NR3C2: variants seen among roughly 807,000 people sequenced by gnomAD.
The protein encoded by NR3C2 is nuclear receptor subfamily 3 group C member 2.
Under a neutral mutation model 86.4 loss-of-function variants are expected in NR3C2, and 15 were observed. That is an observed-to-expected ratio of 0.17 (90% confidence interval 0.12 to 0.27). The LOEUF (loss-of-function observed/expected upper bound fraction) is 0.27, where lower values mean the gene tolerates loss of function less well. Among genes scored for constraint, NR3C2 ranks in the 10% least tolerant of loss-of-function variants. NR3C2 has a pLI of 1.00. For synonymous variants in NR3C2, 458 were observed against 450.5 expected, an observed-to-expected ratio of 1.02 and a Z score of -0.21; for missense variants, 960 against 1,195.6, an observed-to-expected ratio of 0.80 and a Z score of 2.91.
At chr4:148,374,231 C>T (rs1287510481) in intron 2 of NR3C2, among the ~76,000 whole-genome samples, 4 of 152,202 alleles carry the variant, frequency 2.6e-5, no homozygotes, top group Non-Finnish European at 4.4e-5. Flanking sequence ...ATGCAACACT[C>T]TACACCTACA....
chr4:148,293,466 C>G (rs1741893162), intron 2 of NR3C2, among the ~76,000 whole-genome samples: 1 of 152,144 alleles, frequency 6.6e-6, no homozygotes, highest in South Asian at 2.1e-4. Flanking sequence ...TAGATGGGGC[C>G]TACAAATGCT....
rs763844203 is a variant in NR3C2 at position 148,141,446 on chromosome 4, T to TCACACA, written c.2510+11017_2510+11022dup. Among the ~76,000 whole-genome samples, 436 of 149,406 alleles carry TCACACA rather than the reference T, an allele frequency of 2.9e-3. 3 individuals are homozygous for TCACACA. Among genetic ancestry groups the TCACACA allele is most frequent in the Non-Finnish European group, 4.4e-3 (298 of 67,476 alleles). ...CTCTCTCTCTCTCTCTCCCTCTCTC[T>TCACACA]CACACACACACACACACACACGTAT... On this transcript the variant is annotated intron_variant, in intron 6 of 8. Coordinates refer to ENST00000358102, the MANE Select transcript of NR3C2 (RefSeq NM_000901.5).
intron 2 of NR3C2, among the ~76,000 whole-genome samples, chr4:148,325,431 G>C (rs1010286903): frequency 6.6e-6 from 1 of 152,116 alleles, no homozygotes; most frequent in African/African-American, 2.4e-5. Flanking sequence ...CTAGTACTTT[G>C]TCCCTGTTGT....
chr4:148,104,671 G>A (rs533455777), intron 8 of NR3C2, among the ~76,000 whole-genome samples: 1 of 152,286 alleles, frequency 6.6e-6, no homozygotes, highest in South Asian at 2.1e-4. Context: ...CTGAGCAACA[G>A]GAAGAGAGGG....
At chr4:148,137,573 C>T (rs1733403850) in intron 6 of NR3C2, among the ~76,000 whole-genome samples, 1 of 152,158 alleles carries the variant, frequency 6.6e-6, no homozygotes, top group Non-Finnish European at 1.5e-5. Flanking sequence ...TTAAGTCTTT[C>T]TTGAATGAGG....
At chr4:148,416,817 C>T (rs1051843110) in intron 2 of NR3C2, among the ~76,000 whole-genome samples, 2 of 151,766 alleles carry the variant, frequency 1.3e-5, no homozygotes, top group Non-Finnish European at 2.9e-5. Context: ...CTCTTGTTGC[C>T]CAGGCTGGAG....
intron 8 of NR3C2, among the ~76,000 whole-genome samples, chr4:148,082,373 C>T (rs925580087): frequency 1.3e-5 from 2 of 152,162 alleles, no homozygotes; most frequent in Non-Finnish European, 2.9e-5. Flanking sequence ...CCCGGCTTAT[C>T]TCATTTGGAC....
chr4:148,175,935 C>T (rs112510557), intron 4 of NR3C2, among the ~76,000 whole-genome samples: 12 of 152,296 alleles, frequency 7.9e-5, no homozygotes, highest in African/African-American at 2.9e-4. Flanking sequence ...GCTAAGACTG[C>T]ACCACTGCAC....
At chr4:148,217,161 G>T (rs187933789) in intron 3 of NR3C2, among the ~76,000 whole-genome samples, 1 of 152,158 alleles carries the variant, frequency 6.6e-6, no homozygotes, top group Admixed American at 6.6e-5. Context: ...GACTGCAATG[G>T]GTTCCCCGTG....
intron 2 of NR3C2, among the ~76,000 whole-genome samples, chr4:148,358,293 A>C (rs1745653797): frequency 6.6e-6 from 1 of 152,166 alleles, no homozygotes; most frequent in African/African-American, 2.4e-5. Flanking sequence ...ATGCAGCCAT[A>C]AAAAATGATG....
At chr4:148,200,628 T>C (rs1359373302) in intron 3 of NR3C2, among the ~76,000 whole-genome samples, 1 of 152,226 alleles carries the variant, frequency 6.6e-6, no homozygotes, top group Non-Finnish European at 1.5e-5. Flanking sequence ...AGAAGTTACT[T>C]AGCCTTTTCA....
At chr4:148,117,208 G>A (rs1289425310) in intron 7 of NR3C2, among the ~76,000 whole-genome samples, 1 of 152,136 alleles carries the variant, frequency 6.6e-6, no homozygotes, top group Non-Finnish European at 1.5e-5. Context: ...AACATGCCCT[G>A]CCCCGGGCAA....
intron 1 of NR3C2, among the ~76,000 whole-genome samples, chr4:148,437,214 G>T (rs1750125001): frequency 6.6e-6 from 1 of 152,200 alleles, no homozygotes; most frequent in Admixed American, 6.5e-5. Flanking sequence ...GCAAAAAAAG[G>T]TAACTGAGGA....
intron 1 of NR3C2, among the ~76,000 whole-genome samples, chr4:148,438,803 GT>G (rs34347300): frequency 0.47 from 70,958 of 151,966 alleles, 17,995 homozygotes; most frequent in East Asian, 0.8. Context: ...ACTTTTCTGT[GT>G]TTTTACACTA....
intron 2 of NR3C2, among the ~76,000 whole-genome samples, chr4:148,378,612 C>A (rs1257798935): frequency 6.6e-6 from 1 of 152,142 alleles, no homozygotes; most frequent in Admixed American, 6.6e-5. Context: ...CCTCCCCTGT[C>A]TCTTTCTTCC....
intron 3 of NR3C2, among the ~76,000 whole-genome samples, chr4:148,221,496 ATCT>A (rs1350047227): frequency 6.6e-6 from 1 of 152,252 alleles, no homozygotes; most frequent in Non-Finnish European, 1.5e-5. Context: ...ATGTACGTTT[ATCT>A]TCTTTTCTAT....
At position 148,105,987 on chromosome 4, in the gene NR3C2, T is replaced by C. The variant is rs370576747; in HGVS notation, c.2799+8117A>G. 9.8e-5 allele frequency among the ~76,000 whole-genome samples: 15 copies of C among 152,316 alleles called. No individual in the cohort carries two copies. The South Asian group carries it at 2.1e-3, about 21-fold the overall frequency. The stretch of plus-strand genomic sequence containing the variant: ...TGGCACAAGACAAGGATGCCCTCTC[T>C]CACCACTCCTATTCTACATAGTACT... On this transcript the variant is annotated intron_variant, in intron 8 of 8. Coordinates refer to ENST00000358102, the MANE Select transcript of NR3C2 (RefSeq NM_000901.5).
rs761127768 is a variant in NR3C2, at chr4:148,134,641, CTCTTTTTTTTT to C, written c.2511-14364_2511-14354del. ...TCCCTGTGATTCTCTCTCTCTCTCT[CTCTTTTTTTTT>C]TTTTTTTTTTTTTTTAGAGGGAGTC... is the stretch of plus-strand genomic sequence containing the variant. On this transcript the variant is annotated intron_variant, in intron 6 of 8. Coordinates refer to ENST00000358102, the MANE Select transcript of NR3C2 (RefSeq NM_000901.5). Among the ~76,000 whole-genome samples, 17 of 60,968 alleles carry C rather than the reference CTCTTTTTTTTT, an allele frequency of 2.8e-4. No individual in the cohort carries two copies. In the East Asian group the frequency reaches 0.011, roughly 40 times the overall value. The allele number at this position is 60,968 out of a possible 152,430, so 40.0% of individuals were successfully genotyped here.
chr4:148,343,423 T>C (rs986658456), intron 2 of NR3C2, among the ~76,000 whole-genome samples: 2 of 151,418 alleles, frequency 1.3e-5, no homozygotes, highest in Non-Finnish European at 2.9e-5. Flanking sequence ...CCCTTTTTTT[T>C]AAATGTACTT....
Sources: allele counts gnomAD v4.1 joint callset (sites outside exome capture counted in the v4.1 genomes callset), GRCh38; gene constraint gnomAD v4.1.1; transcripts MANE v1.5; gene names NCBI Gene and HGNC (gene_info 2026-07-23, HGNC 2026-07-21).